The following EPS8 variants were observed in gnomAD, a reference collection of about 807,000 sequenced individuals.
EPS8 encodes EGFR pathway substrate 8, signaling adaptor.
In EPS8, 42 loss-of-function variants were observed where a neutral mutation model predicts 103.8. The observed-to-expected ratio is 0.40, with a 90% CI of 0.32 to 0.52. The LOEUF is 0.52. Among genes scored for constraint, EPS8 ranks in the 20% least tolerant of loss-of-function variants. The pLI is 0.40. For missense variants in EPS8, 969 were observed against 1,005.1 expected (o/e 0.96, Z 0.49); for synonymous variants, 344 against 344.6 (o/e 1.00, Z 0.02).
At chr12:15,711,216 G>C (rs1421686902) in intron 1 of EPS8, among the ~76,000 whole-genome samples, 2 of 151,982 alleles carry the variant, frequency 1.3e-5, no homozygotes, top group Non-Finnish European at 2.9e-5. Flanking sequence ...AAAGTCTAAA[G>C]TGTAATGAGT....
chr12:15,663,741 A>G (rs6488794), intron 8 of EPS8, among the ~76,000 whole-genome samples: 136,307 of 150,174 alleles, frequency 0.91, 62,720 homozygotes, highest in Non-Finnish European at 0.98. Flanking sequence ...TGGCTAACAC[A>G]GTGAAACTCC....
In EPS8 at chr12:15,738,275, C is replaced by A. The variant is rs978928803; in HGVS notation, c.-22+50886G>T. 6.6e-6 allele frequency among the ~76,000 whole-genome samples: 1 copy of A among 152,132 alleles called. No homozygotes were observed. Among genetic ancestry groups the A allele is most frequent in the Non-Finnish European group, 1.5e-5 (1 of 68,002 alleles). On this transcript the variant is annotated intron_variant, in intron 1 of 20. Coordinates refer to ENST00000281172, the MANE Select transcript of EPS8 (RefSeq NM_004447.6). The surrounding 1 kb of genome is among the most constrained non-coding windows in gnomAD (Gnocchi z 6.2). The stretch of plus-strand genomic sequence containing the variant: ...ATGATCATTTAGAAACACACCCACC[C>A]TGAGTGGCTAAGAAACCCTTTTGCA...
intron 17 of EPS8, among the ~76,000 whole-genome samples, chr12:15,632,537 CA>C (rs2135733637): frequency 6.6e-6 from 1 of 152,262 alleles, no homozygotes; most frequent in Admixed American, 6.5e-5. Flanking sequence ...ATCAAAGATA[CA>C]GGACAATTAT....
chr12:15,768,878 A>T (rs926493019), intron 1 of EPS8, among the ~76,000 whole-genome samples: 8 of 152,236 alleles, frequency 5.3e-5, no homozygotes, highest in Non-Finnish European at 7.3e-5. Context: ...ACACCTTTTG[A>T]TTCAAAAAGA....
At chr12:15,679,631 A>G (rs1945969423) in intron 3 of EPS8, among the ~76,000 whole-genome samples, 1 of 152,112 alleles carries the variant, frequency 6.6e-6, no homozygotes, top group South Asian at 2.1e-4. Flanking sequence ...CTCAAGGCTC[A>G]ATTCCTCTAT....
At chr12:15,675,705 G>A (rs147800615) in intron 3 of EPS8, among the ~76,000 whole-genome samples, 1 of 152,280 alleles carries the variant, frequency 6.6e-6, no homozygotes, top group African/African-American at 2.4e-5. Flanking sequence ...GTAGGTGTTG[G>A]TAATGACAAC....
intron 17 of EPS8, chr12:15,634,870 A>G: frequency 2.5e-6 from 1 of 394,890 alleles, no homozygotes; most frequent in Non-Finnish European, 4.5e-6. Context: ...AGAGTAAATT[A>G]GCCTGACAGT....
intron 17 of EPS8, among the ~76,000 whole-genome samples, chr12:15,635,669 T>C (rs1322119419): frequency 1.3e-5 from 2 of 152,186 alleles, no homozygotes; most frequent in African/African-American, 4.8e-5. Flanking sequence ...ATATAATGAA[T>C]GAGAAGATTT....
chr12:15,744,401 C>A (rs1235492253), intron 1 of EPS8, among the ~76,000 whole-genome samples: 1 of 152,146 alleles, frequency 6.6e-6, no homozygotes, highest in Non-Finnish European at 1.5e-5. Flanking sequence ...TGTTCTAGAT[C>A]CAAGTATACA....
intron 1 of EPS8, among the ~76,000 whole-genome samples, chr12:15,766,775 C>A (rs1449002021): frequency 1.3e-5 from 2 of 151,998 alleles, no homozygotes; most frequent in African/African-American, 4.8e-5. Context: ...TGATTTTCAT[C>A]CAGGCTTAAG....
chr12:15,731,890 G>A lies in EPS8; in HGVS notation c.-21-48918C>T, dbSNP rs1226564850. On this transcript the variant is annotated intron_variant, in intron 1 of 20. Coordinates refer to ENST00000281172, the MANE Select transcript of EPS8 (RefSeq NM_004447.6). This position sits in a 1 kb window ranked among gnomAD's most constrained non-coding sequence, Gnocchi z 5.1. ...GTGTGTAGGCAAAAGGAAGCTGGGT[G>A]GTTAATCACTATATATATCTGTTCC... Among the ~76,000 whole-genome samples, 1 of 151,904 alleles carries A rather than the reference G, an allele frequency of 6.6e-6. No individual in the cohort carries two copies. Among genetic ancestry groups the A allele is most frequent in the African/African-American group, 2.4e-5 (1 of 41,382 alleles).
Position 15,623,213 on chromosome 12 carries a change from C to A in EPS8, c.2300G>T (p.Cys767Phe). The change falls in exon 20 of 21, where the codon TGC becomes TTC. Residue 767 changes from cysteine to phenylalanine, a missense_variant. Coordinates refer to ENST00000281172, the MANE Select transcript of EPS8 (RefSeq NM_004447.6). ...SLNKDELRTVCPEGARVYSQI... is the reference protein window; with the variant it reads ...SLNKDELRTVFPEGARVYSQI... ...GCTATAGACTCTCGCCCCTTCAGGG[C>A]AGACTGTCCTCAGTTCATCCTTATT... 1 of 1,613,380 alleles carries A rather than the reference C, an allele frequency of 6.2e-7. No individual in the cohort carries two copies. Among genetic ancestry groups the A allele is most frequent in the South Asian group, 1.1e-5 (1 of 91,016 alleles).
intron 1 of EPS8, among the ~76,000 whole-genome samples, chr12:15,705,820 C>T (rs1440937239): frequency 6.6e-6 from 1 of 152,192 alleles, no homozygotes; most frequent in African/African-American, 2.4e-5. Context: ...ACCTCAACGG[C>T]TAGCCAATAT....
chr12:15,634,941 C>T (rs192026357), intron 17 of EPS8, among the ~76,000 whole-genome samples: 1 of 152,182 alleles, frequency 6.6e-6, no homozygotes, highest in Non-Finnish European at 1.5e-5. Flanking sequence ...TAATTCCCAT[C>T]ACTATCTAGC....
At chr12:15,705,342 T>G (rs1591877930) in intron 1 of EPS8, among the ~76,000 whole-genome samples, 1 of 152,232 alleles carries the variant, frequency 6.6e-6, no homozygotes, top group African/African-American at 2.4e-5. Flanking sequence ...TATTGTTTCA[T>G]GAACACATGT....
In EPS8 at chr12:15,751,504, TTC is replaced by T. The variant is rs1946931054; in HGVS notation, c.-22+37655_-22+37656del. On this transcript the variant is annotated intron_variant, in intron 1 of 20. Coordinates refer to ENST00000281172, the MANE Select transcript of EPS8 (RefSeq NM_004447.6). This position sits in a 1 kb window ranked among gnomAD's most constrained non-coding sequence, Gnocchi z 4.3. ...TGATCCCAGTCCTAAAAAGCTCACA[TTC>T]AAGTGTCCTCCAGACAAACCGGTCA... Among the ~76,000 whole-genome samples the T allele has an allele frequency of 1.3e-5, 2 of 152,142 alleles. No individual in the cohort carries two copies. The highest frequency in any genetic ancestry group is 2.9e-5 in the Non-Finnish European group (2 of 68,032).
chr12:15,620,211 T>G lies in EPS8; in HGVS notation c.*1106A>C, dbSNP rs1435892939. Reference sequence around the variant, plus strand: ...TTGCAGACTTTCCAGCTGACTCATGTGAAAAAGGCACTATGAAAATTAATG... The same window carrying G: ...TTGCAGACTTTCCAGCTGACTCATGGGAAAAAGGCACTATGAAAATTAATG... On this transcript the variant is annotated 3_prime_UTR_variant, in exon 21 of 21. Coordinates refer to ENST00000281172, the MANE Select transcript of EPS8 (RefSeq NM_004447.6). 6.6e-6 allele frequency: 1 copy of G among 152,648 alleles called. No homozygotes were observed. The highest frequency in any genetic ancestry group is 1.5e-5 in the Non-Finnish European group (1 of 68,044). 9.5% of individuals were successfully genotyped at this position (152,648 alleles called of 1,614,324 possible).
At position 15,736,556 on chromosome 12, in the gene EPS8, G is replaced by C. The variant is rs1946768648; in HGVS notation, c.-22+52605C>G. ...CTCACAGAAGATGCCCTCAAGCTTG[G>C]TTAAGATCTTATTAATAAATCTTTC... is the stretch of plus-strand genomic sequence containing the variant. On this transcript the variant is annotated intron_variant, in intron 1 of 20. Transcript: ENST00000281172. This position sits in a 1 kb window ranked among gnomAD's most constrained non-coding sequence, Gnocchi z 4.2. Among the ~76,000 whole-genome samples the C allele has an allele frequency of 1.3e-5, 2 of 152,152 alleles. No homozygotes were observed. Among genetic ancestry groups the C allele is most frequent in the Non-Finnish European group, 2.9e-5 (2 of 68,038 alleles).
chr12:15,783,985 A>G (rs931189649), intron 1 of EPS8, among the ~76,000 whole-genome samples: 5 of 152,104 alleles, frequency 3.3e-5, no homozygotes, highest in African/African-American at 1.2e-4. Context: ...CTAGACACAG[A>G]CCTTATACCT....
Sources: allele counts gnomAD v4.1 joint callset (sites outside exome capture counted in the v4.1 genomes callset), GRCh38; gene constraint gnomAD v4.1.1; non-coding constraint Gnocchi (gnomAD v3.1); transcripts MANE v1.5; gene names NCBI Gene and HGNC (gene_info 2026-07-23, HGNC 2026-07-21).